ACER2: variants seen among roughly 807,000 people sequenced by gnomAD.
The protein encoded by ACER2 is alkCDase 2.
A neutral mutation model predicts 34.7 loss-of-function variants in ACER2; 26 were observed. That is an observed-to-expected ratio of 0.75 (90% confidence interval 0.55 to 1.04). ACER2 has a LOEUF of 1.04. ACER2 is among the 50% of genes least tolerant of loss of function. The pLI, the probability that ACER2 is intolerant of heterozygous loss-of-function variation, is 0.00. For synonymous variants in ACER2, 138 were observed against 132.1 expected (o/e 1.04, Z -0.31); for missense variants, 352 against 340.8 (o/e 1.03, Z -0.26).
chr9:19,413,340 T>C (rs1830145551), intron 1 of ACER2, among the ~76,000 whole-genome samples: 1 of 152,250 alleles, frequency 6.6e-6, no homozygotes, highest in African/African-American at 2.4e-5. Flanking sequence ...GGCTCACGCC[T>C]GTAATCCCAG....
At chr9:19,413,790 A>G (rs1389807222) in intron 1 of ACER2, among the ~76,000 whole-genome samples, 1 of 152,054 alleles carries the variant, frequency 6.6e-6, no homozygotes, top group East Asian at 1.9e-4. Context: ...CATGCATAAA[A>G]TCAGCTCATG....
intron 1 of ACER2, among the ~76,000 whole-genome samples, chr9:19,423,078 G>T (rs1830456207): frequency 6.6e-6 from 1 of 150,788 alleles, no homozygotes; most frequent in Admixed American, 6.6e-5. Context: ...ATGGTGGCAT[G>T]TACCTAGTCC....
At position 19,409,075 on chromosome 9, in the gene ACER2, C is replaced by T. The variant is rs201941464; in HGVS notation, c.-10C>T. The T allele has an allele frequency of 3.8e-6, 6 of 1,571,626 alleles. No individual in the cohort carries two copies. Among genetic ancestry groups the T allele is most frequent in the Non-Finnish European group, 5.2e-6 (6 of 1,159,074 alleles). ...TGCGCGAGCAGCTGCTCCAATGCCC[C>T]GGAGTGGCCATGGGCGCCCCGCACT... On this transcript the variant is annotated 5_prime_UTR_variant, in exon 1 of 6. Transcript: ENST00000340967.
chr9:19,421,766 T>A (rs1830414278), intron 1 of ACER2, among the ~76,000 whole-genome samples: 2 of 150,150 alleles, frequency 1.3e-5, no homozygotes, highest in South Asian at 4.1e-4. Flanking sequence ...TTACCTCAAT[T>A]TTTTAAAGTT....
At chr9:19,432,229 G>C (rs1272056356) in intron 3 of ACER2, among the ~76,000 whole-genome samples, 4 of 152,166 alleles carry the variant, frequency 2.6e-5, no homozygotes, top group Non-Finnish European at 5.9e-5. Flanking sequence ...CTTGTAGGTT[G>C]TCAGTAAATA....
At chr9:19,441,955 A>T (rs1831169827) in intron 4 of ACER2, among the ~76,000 whole-genome samples, 1 of 152,212 alleles carries the variant, frequency 6.6e-6, no homozygotes, top group Non-Finnish European at 1.5e-5. Flanking sequence ...GAGGTAATAG[A>T]GGAGGAACTG....
rs1331837611 is a variant in ACER2, at chr9:19,435,068, A to G, written c.487A>G (p.Ile163Val). The G allele has an allele frequency of 1.2e-6, 2 of 1,614,140 alleles. No homozygotes were observed. ...TLGVPCTALL[I>V]AELKRCDNMR... The stretch of plus-strand genomic sequence containing the variant: ...GGGAGTTCCTTGCACTGCACTGCTC[A>G]TCGCAGAGCTAAAGAGGTAGGTGCC... Residue 163 changes from isoleucine (I) to valine (V), a missense_variant, in exon 4 of 6, where the codon ATC becomes GTC. By Grantham distance (29) the Ile-to-Val change is conservative (BLOSUM62 3). Coordinates refer to ENST00000340967, the MANE Select transcript of ACER2 (RefSeq NM_001010887.3).
rs57915019 is a variant in ACER2 at position 19,433,149 on chromosome 9, CTTTTTT to C, written c.366-1779_366-1774del. ...TTCCTAGGCCAGTGAGTGTGAGTGG[CTTTTTT>C]TTTTTTTTTTTTTTTTTTATTGATC... On this transcript the variant is annotated intron_variant, in intron 3 of 5. Coordinates refer to ENST00000340967, the MANE Select transcript of ACER2 (RefSeq NM_001010887.3). Among the ~76,000 whole-genome samples the C allele has an allele frequency of 1.8e-4, 11 of 61,310 alleles. No homozygotes were observed. The East Asian group carries it at 2.3e-3, about 13-fold the overall frequency. The allele number at this position is 61,310 out of a possible 152,430, so 40.2% of individuals were successfully genotyped here.
chr9:19,437,410 A>G (rs1364953849), intron 4 of ACER2, among the ~76,000 whole-genome samples: 1 of 152,150 alleles, frequency 6.6e-6, no homozygotes, highest in Non-Finnish European at 1.5e-5. Flanking sequence ...GCTGGATTTC[A>G]TGGAATCGCC....
chr9:19,442,329 G>A (rs367867687), intron 4 of ACER2, among the ~76,000 whole-genome samples: 14 of 152,138 alleles, frequency 9.2e-5, no homozygotes, highest in Non-Finnish European at 1.6e-4. Flanking sequence ...ATTTTTGTCC[G>A]CCCTTTTTCA....
At chr9:19,429,916 T>C (rs79756658) in intron 3 of ACER2, among the ~76,000 whole-genome samples, 2,991 of 152,272 alleles carry the variant, frequency 0.02, 60 homozygotes, top group Non-Finnish European at 0.024. Flanking sequence ...AAATAGATTA[T>C]GTTTTGGTAG....
chr9:19,449,890 TAAAA>T (rs543959118), intron 5 of ACER2, among the ~76,000 whole-genome samples: 208 of 131,328 alleles, frequency 1.6e-3, no homozygotes, highest in Middle Eastern at 4.0e-3. Context: ...AGACTTCATT[TAAAA>T]AAAAAAAAAA....
At position 19,451,727 on chromosome 9, in the gene ACER2, T is replaced by A. The variant is rs996545554; in HGVS notation, c.*1091T>A. On this transcript the variant is annotated 3_prime_UTR_variant, in exon 6 of 6. Transcript: ENST00000340967. ...GACCTCTGTAAGTTTACCAAAGGGCTCCTCACAATTGTGGTGGGGGTTCTG... is the reference window on the plus strand; with the variant it reads ...GACCTCTGTAAGTTTACCAAAGGGCACCTCACAATTGTGGTGGGGGTTCTG... 3 of 152,216 alleles carry A rather than the reference T, an allele frequency of 2.0e-5. No individual in the cohort carries two copies. Among genetic ancestry groups the A allele is most frequent in the African/African-American group, 7.2e-5 (3 of 41,444 alleles). 9.4% of individuals were successfully genotyped at this position (152,216 alleles called of 1,614,324 possible). A position where few individuals can be genotyped will look rare whatever the true frequency, so the allele number is the denominator to read the frequency against.
intron 3 of ACER2, among the ~76,000 whole-genome samples, chr9:19,428,869 A>G (rs887255634): frequency 1.4e-5 from 2 of 139,902 alleles, no homozygotes; most frequent in Non-Finnish European, 3.0e-5. Flanking sequence ...GGCTGACTAC[A>G]ACCTCTGCCT....
intron 1 of ACER2, among the ~76,000 whole-genome samples, chr9:19,412,263 G>A (rs1367536464): frequency 6.6e-6 from 1 of 152,094 alleles, no homozygotes; most frequent in Non-Finnish European, 1.5e-5. Flanking sequence ...AAAAAATTTA[G>A]AGTATGTAAG....
chr9:19,450,284 C>A (rs1383295417), intron 5 of ACER2, 166 bp from the exon 6 acceptor site: 2 of 985,250 alleles, frequency 2.0e-6, no homozygotes, highest in African/African-American at 3.5e-5. Context: ...TCCTGCTATT[C>A]CAGGGATTGT....
intron 1 of ACER2, among the ~76,000 whole-genome samples, chr9:19,410,318 C>A (rs1478899126): frequency 6.6e-6 from 1 of 152,158 alleles, no homozygotes; most frequent in African/African-American, 2.4e-5. Flanking sequence ...GGGCCACAAT[C>A]CAGAAGTCTG....
rs549242757 is a variant in ACER2 at position 19,409,041 on chromosome 9, C to G, written c.-44C>G. On this transcript the variant is annotated 5_prime_UTR_variant, in exon 1 of 6. Coordinates refer to ENST00000340967, the MANE Select transcript of ACER2 (RefSeq NM_001010887.3). ...TTTGCCTCCGCAGCAGCTCTGGGCT[C>G]TTCTCAGCTGCGCGAGCAGCTGCTC... 3.8e-5 allele frequency: 58 copies of G among 1,515,992 alleles called. No homozygotes were observed. The highest frequency in any genetic ancestry group is 5.0e-5 in the Non-Finnish European group (56 of 1,125,486). 93.9% of individuals were successfully genotyped at this position (1,515,992 alleles called of 1,614,324 possible).
intron 5 of ACER2, among the ~76,000 whole-genome samples, chr9:19,447,708 A>C (rs1296666980): frequency 6.6e-6 from 1 of 152,208 alleles, no homozygotes; most frequent in African/African-American, 2.4e-5. Flanking sequence ...TTCGAAATTT[A>C]AACTATGTAA....
Sources: gnomAD v4.1 joint callset for allele counts (sites outside exome capture counted in the v4.1 genomes callset) on GRCh38, gnomAD v4.1.1 for gene constraint, MANE v1.5 for transcripts, NCBI Gene and HGNC (gene_info 2026-07-23, HGNC 2026-07-21) for gene names.